PPP2R3B: variants seen among roughly 807,000 people sequenced by gnomAD.
The protein encoded by PPP2R3B is serine/threonine-protein phosphatase 2A regulatory subunit B'' subunit beta.
Under a neutral mutation model 72.9 loss-of-function variants are expected in PPP2R3B, and 68 were observed. That is an observed-to-expected ratio of 0.93 (90% CI 0.77 to 1.14). The LOEUF (loss-of-function observed/expected upper bound fraction) is 1.14, where lower values mean the gene tolerates loss of function less well. PPP2R3B is among the 50% of genes most tolerant of loss of function. PPP2R3B has a pLI of 0.00. For missense variants in PPP2R3B, 1,018 were observed against 842.0 expected, an observed-to-expected ratio of 1.21 and a Z score of -2.59; for synonymous variants, 466 against 375.8, an observed-to-expected ratio of 1.24 and a Z score of -2.78.
At chrX:347,778 G>A (rs188051616) in intron 2 of PPP2R3B, 85 bp from the exon 3 acceptor site, 25,487 of 980,300 alleles carry the variant, frequency 0.026, 1,616 homozygotes, top group East Asian at 0.18. Flanking sequence ...GACCGACGCC[G>A]CCCAGAGACC....
At chrX:363,627 A>ATCCCACAATGCGTCTTCCCAT (rs1569404184) in intron 1 of PPP2R3B, among the ~76,000 whole-genome samples, 1 of 4,042 alleles carries the variant, frequency 2.5e-4, no homozygotes. Context: ...CATCTCCCCG[A>ATCCCACAATGCGTCTTCCCAT]GCCCACCATC....
At chrX:362,107 A>C (rs1230910641) in intron 1 of PPP2R3B, 1 of 170,592 alleles carries the variant, frequency 5.9e-6, no homozygotes, top group Admixed American at 5.6e-5. Context: ...GCAACCACAC[A>C]GCCAGGAGAA....
intron 2 of PPP2R3B, among the ~76,000 whole-genome samples, chrX:350,708 C>T (rs762783211): frequency 4.6e-5 from 7 of 152,300 alleles, no homozygotes; most frequent in African/African-American, 9.6e-5. Flanking sequence ...CGCCAGGTCC[C>T]GCGAGGCTGC....
At position 381,038 on chromosome X, in the gene PPP2R3B, C is replaced by T. The variant is rs2072113534; in HGVS notation, c.324+5330G>A. Reference sequence around the variant, plus strand: ...GCAGCCTCGAACTCCTGGGATCTTCCTGCCTCAGCCTCACAAGCAGCTGAG... The same window carrying T: ...GCAGCCTCGAACTCCTGGGATCTTCTTGCCTCAGCCTCACAAGCAGCTGAG... On this transcript the variant is annotated intron_variant, in intron 1 of 12. Coordinates refer to ENST00000390665, the MANE Select transcript of PPP2R3B (RefSeq NM_013239.5). Among the ~76,000 whole-genome samples, 3 of 151,930 alleles carry T rather than the reference C, an allele frequency of 2.0e-5. No homozygotes were observed. The South Asian group carries it at 6.2e-4, about 32-fold the overall frequency.
intron 1 of PPP2R3B, 90 bp from the exon 2 acceptor site, chrX:361,680 G>A (rs901304909): frequency 4.1e-5 from 61 of 1,486,908 alleles, no homozygotes; most frequent in African/African-American, 2.9e-4. Flanking sequence ...CTCTAGGGCC[G>A]ACAGTGCTGA....
intron 10 of PPP2R3B, among the ~76,000 whole-genome samples, chrX:339,271 C>CCGG (rs2070987518): frequency 1.4e-4 from 6 of 43,670 alleles, no homozygotes; most frequent in Non-Finnish European, 2.2e-4. Context: ...CGCCCCATGG[C>CCGG]CGGGGGGGGC....
At chrX:383,332 G>A (rs767111674) in intron 1 of PPP2R3B, among the ~76,000 whole-genome samples, 3 of 152,220 alleles carry the variant, frequency 2.0e-5, no homozygotes, top group African/African-American at 7.2e-5. Flanking sequence ...TTTGTGACAT[G>A]CTTATTAGTG....
chrX:341,990 C>T (rs1315606197), intron 7 of PPP2R3B, 59 bp from the exon 8 acceptor site: 1 of 1,586,584 alleles, frequency 6.3e-7, no homozygotes, highest in South Asian at 1.1e-5. Context: ...GACGTCACCA[C>T]CCCCCGGAGC....
In PPP2R3B at chrX:345,659, A is replaced by T; in HGVS notation, c.893T>A (p.Leu298Gln). ...RSSFLQNVAL[L>Q]EEEADINQLT... ...CTGGTTGATGTCCGCCTCCTCCTCC[A>T]GCAGCGCCACATTCTGCCAAAGGAC... is the stretch of plus-strand genomic sequence containing the variant. The change falls in exon 7 of 13, where the codon CTG becomes CAG. Residue 298 changes from leucine to glutamine, a missense_variant. By Grantham distance (113) the Leu-to-Gln change is moderately radical. Transcript: ENST00000390665. 6.2e-7 allele frequency: 1 copy of T among 1,612,548 alleles called. No individual in the cohort carries two copies. Among genetic ancestry groups the T allele is most frequent in the Non-Finnish European group, 8.5e-7 (1 of 1,179,378 alleles).
rs192947050 is a variant in PPP2R3B, at chrX:336,357, C to T, written c.1578-1840G>A. 509 of 152,314 alleles carry T rather than the reference C, an allele frequency of 3.3e-3. 3 individuals carry two copies. The highest frequency in any genetic ancestry group is 0.017 in the Middle Eastern group (5 of 294). The allele number at this position is 152,314 out of a possible 1,614,324, so 9.4% of individuals were successfully genotyped here. ...CATCTGAGAAATTCGGCCCCCACTG[C>T]GAGAAAGCCCCCGCAGACCAGGAAG... On this transcript the variant is annotated intron_variant, in intron 12 of 12. Transcript: ENST00000390665.
intron 1 of PPP2R3B, among the ~76,000 whole-genome samples, chrX:385,620 CA>C (rs1228619477): frequency 6.6e-6 from 1 of 151,476 alleles, no homozygotes; most frequent in Non-Finnish European, 1.5e-5. Context: ...CTCGTCTCTG[CA>C]AAAATAAATA....
At chrX:382,353 A>G (rs1045185721) in intron 1 of PPP2R3B, among the ~76,000 whole-genome samples, 4 of 151,830 alleles carry the variant, frequency 2.6e-5, no homozygotes, top group African/African-American at 9.7e-5. Context: ...GCCCACCACC[A>G]CACCCAGCTA....
rs1346235359 is a variant in PPP2R3B, at chrX:358,627, G to A, written c.510+2778C>T. Among the ~76,000 whole-genome samples the A allele has an allele frequency of 6.6e-5, 10 of 152,304 alleles. No individual in the cohort carries two copies. The East Asian group carries it at 1.7e-3, about 27-fold the overall frequency. ...CACCAAACGTGACATCCAGCCAACG[G>A]ACCAGGTTCTTTCAAGTCTTAAAGC... On this transcript the variant is annotated intron_variant, in intron 2 of 12. Coordinates refer to ENST00000390665, the MANE Select transcript of PPP2R3B (RefSeq NM_013239.5).
intron 1 of PPP2R3B, among the ~76,000 whole-genome samples, chrX:363,873 G>A (rs2071620707): frequency 6.6e-6 from 1 of 152,246 alleles, no homozygotes; most frequent in Admixed American, 6.5e-5. Context: ...GAGCTCTCGG[G>A]CTCCTGTGTT....
At chrX:364,835 A>G (rs867589178) in intron 1 of PPP2R3B, among the ~76,000 whole-genome samples, 52 of 47,354 alleles carry the variant, frequency 1.1e-3, no homozygotes, top group African/African-American at 1.6e-3. Context: ...GTGAGCTGAG[A>G]TCGCACCACT....
chrX:363,628 GCCCACCATCCCACAGTCATCTC>G (rs2071607467), intron 1 of PPP2R3B, among the ~76,000 whole-genome samples: 1 of 91,912 alleles, frequency 1.1e-5, no homozygotes, highest in South Asian at 3.3e-4. Flanking sequence ...ATCTCCCCGA[GCCCACCATCCCACAGTCATCTC>G]CCTGTGCCCA....
chrX:352,532 C>T (rs1277797735), intron 2 of PPP2R3B, among the ~76,000 whole-genome samples: 1 of 151,992 alleles, frequency 6.6e-6, no homozygotes, highest in Non-Finnish European at 1.5e-5. Context: ...CTGTGTGGAT[C>T]GTCTGCCCAC....
At position 347,389 on chromosome X, in the gene PPP2R3B, C is replaced by T. The variant is rs1028399025; in HGVS notation, c.615-53G>A. ...CCCTCACAGGGGGGTGGCTTTCGAC[C>T]CCGCAGACGCAGGGTGGAACACGTG... On this transcript the variant is annotated intron_variant, in intron 3 of 12. Coordinates refer to ENST00000390665, the MANE Select transcript of PPP2R3B (RefSeq NM_013239.5). The T allele has an allele frequency of 4.0e-5, 62 of 1,539,760 alleles. No homozygotes were observed. The Admixed American group carries it at 1.0e-3, about 26-fold the overall frequency.
At chrX:358,043 G>A (rs1312437568) in intron 2 of PPP2R3B, among the ~76,000 whole-genome samples, 1 of 152,146 alleles carries the variant, frequency 6.6e-6, no homozygotes, top group South Asian at 2.1e-4. Context: ...AAGTCCACCC[G>A]CCTGACAACA....
Sources: allele counts gnomAD v4.1 joint callset (sites outside exome capture counted in the v4.1 genomes callset), GRCh38; gene constraint gnomAD v4.1.1; transcripts MANE v1.5; gene names NCBI Gene and HGNC (gene_info 2026-07-23, HGNC 2026-07-21).